Variants in NF1 observed in about 807,000 individuals in gnomAD.
NF1 encodes neurofibromin.
In NF1, 122 loss-of-function variants were observed where a neutral mutation model predicts 325.7. The ratio of observed to expected loss-of-function variants is 0.37; its 90% CI spans 0.32 to 0.44. NF1 has a LOEUF of 0.44. Among genes scored for constraint, NF1 ranks in the 20% least tolerant of loss-of-function variants. NF1 has a pLI of 1.00. For missense variants in NF1, 2,140 were observed against 3,415.4 expected, an observed-to-expected ratio of 0.63 and a Z score of 9.31; for synonymous variants, 1,091 against 1,186.0, an observed-to-expected ratio of 0.92 and a Z score of 1.65.
rs1375725102 is a variant in NF1, at chr17:31,095,379, C to G, written c.60+10C>G. ...CCGCTTCGACGAGCAGGTAACCGGC[C>G]CGTGGCGGGCGGGAGGTGGGAGCGG... On this transcript the variant is annotated intron_variant, in intron 1 of 57. Coordinates refer to ENST00000358273, the MANE Select transcript of NF1 (RefSeq NM_001042492.3). The G allele has an allele frequency of 6.5e-7, 1 of 1,538,856 alleles. No homozygotes were observed. Among genetic ancestry groups the G allele is most frequent in the African/African-American group, 1.4e-5 (1 of 73,088 alleles).
intron 5 of NF1, among the ~76,000 whole-genome samples, chr17:31,173,336 G>A (rs1053251381): frequency 6.6e-6 from 1 of 152,106 alleles, no homozygotes; most frequent in African/African-American, 2.4e-5. Flanking sequence ...CATGAACCCG[G>A]GAGGCAGAGC....
At chr17:31,326,985 G>A (rs2069360340) in intron 37 of NF1, among the ~76,000 whole-genome samples, 1 of 41,296 alleles carries the variant, frequency 2.4e-5, no homozygotes, top group Admixed American at 2.1e-4. Context: ...GGAGTGCAGT[G>A]GCGTGATCTC....
chr17:31,306,065 C>G (rs1054537036), intron 36 of NF1, among the ~76,000 whole-genome samples: 21 of 152,158 alleles, frequency 1.4e-4, no homozygotes, highest in Non-Finnish European at 7.4e-5. Flanking sequence ...CAGTGATCAT[C>G]TGTTACCTAA....
intron 30 of NF1, chr17:31,250,402 T>A: frequency 4.6e-6 from 1 of 216,398 alleles, no homozygotes; most frequent in East Asian, 7.1e-5. Context: ...ATATTAAAAA[T>A]AGTCTGGGTC....
At chr17:31,307,427 A>T (rs891431049) in intron 36 of NF1, among the ~76,000 whole-genome samples, 1 of 152,354 alleles carries the variant, frequency 6.6e-6, no homozygotes. Flanking sequence ...ACTGAATTTT[A>T]AAAGTCTATA....
intron 56 of NF1, 51 bp downstream of exon 56, chr17:31,359,066 C>T (rs2151586213): frequency 1.4e-6 from 2 of 1,435,008 alleles, no homozygotes; most frequent in Non-Finnish European, 9.8e-7. Context: ...GGTTTCTGTT[C>T]AAATTAGTAT....
rs933396028 is a variant in NF1 at position 31,095,232 on chromosome 17, C to A, written c.-78C>A. 1.5e-5 allele frequency: 21 copies of A among 1,387,314 alleles called. No individual in the cohort carries two copies. The African/African-American group carries it at 2.8e-4, about 19-fold the overall frequency. The allele number at this position is 1,387,314 out of a possible 1,614,324, so 85.9% of individuals were successfully genotyped here. A position where few individuals can be genotyped will look rare whatever the true frequency, so the allele number is the denominator to read the frequency against. On this transcript the variant is annotated 5_prime_UTR_variant, in exon 1 of 58. Coordinates refer to ENST00000358273, the MANE Select transcript of NF1 (RefSeq NM_001042492.3). ...CTCCTTGCCTCTTCCCTCACCTCAG[C>A]CTCCGCTCCCCGCCCTCTTCCCGGC...
In NF1 at chr17:31,159,985, T is replaced by C. The variant is rs17885616; in HGVS notation, c.288+892T>C. Among the ~76,000 whole-genome samples the C allele has an allele frequency of 6.7e-3, 1,025 of 152,222 alleles. 16 individuals are homozygous for C. The highest frequency in any genetic ancestry group is 0.023 in the African/African-American group (960 of 41,528). On this transcript the variant is annotated intron_variant, in intron 3 of 57. Transcript: ENST00000358273. Reference sequence around the variant, plus strand: ...GGACTGATAGTGTGGTTGAGAAGTGTTGGTGGAAGCATTGGGGTAGGGCAT... The same window carrying C: ...GGACTGATAGTGTGGTTGAGAAGTGCTGGTGGAAGCATTGGGGTAGGGCAT...
At chr17:31,335,599 T>C (rs1006766115) in intron 40 of NF1, among the ~76,000 whole-genome samples, 10 of 151,858 alleles carry the variant, frequency 6.6e-5, no homozygotes, top group Non-Finnish European at 8.8e-5. Context: ...ACACTGCTGC[T>C]CCTCCTCCAA....
intron 51 of NF1, 109 bp downstream of exon 51, chr17:31,352,523 G>T (rs188956745): frequency 1.5e-5 from 16 of 1,071,044 alleles, no homozygotes; most frequent in Admixed American, 5.8e-5. Context: ...TTCCATGTCA[G>T]TGTAGCAAAG....
intron 35 of NF1, 34 bp downstream of exon 35, chr17:31,261,891 CT>C: frequency 6.2e-7 from 1 of 1,611,236 alleles, no homozygotes; most frequent in Non-Finnish European, 8.5e-7. Flanking sequence ...TGATTGCTTT[CT>C]TTTTGGTTGA....
intron 36 of NF1, among the ~76,000 whole-genome samples, chr17:31,287,542 C>CTGTGTGTGTGTGTGTG (rs59906241): frequency 1.9e-4 from 28 of 145,590 alleles, no homozygotes; most frequent in African/African-American, 5.4e-4. Flanking sequence ...TCATTCATAA[C>CTGTGTGTGTGTGTGTG]TGTGTGTGTG....
intron 29 of NF1, among the ~76,000 whole-genome samples, chr17:31,242,536 C>A (rs962045342): frequency 6.6e-6 from 1 of 152,054 alleles, no homozygotes; most frequent in African/African-American, 2.4e-5. Context: ...TTCAAGCTTG[C>A]TAATTCTTCT....
Position 31,336,814 on chromosome 17 carries a change from C to T in NF1, c.6327C>T (p.Phe2109=). Residue 2109 remains phenylalanine (F), a synonymous_variant, in exon 42 of 58, where the codon TTC becomes TTT. Coordinates refer to ENST00000358273, the MANE Select transcript of NF1 (RefSeq NM_001042492.3). This position sits in a 1 kb window ranked among gnomAD's most constrained non-coding sequence, Gnocchi z 5.5. ...HLPYLFHVVT[F]LVATGPLSLR... Reference sequence around the variant, plus strand: ...CCTACCTCTTCCACGTTGTTACTTTCTTAGTAGCCACAGGTCCGCTCTCCC... The same window carrying T: ...CCTACCTCTTCCACGTTGTTACTTTTTTAGTAGCCACAGGTCCGCTCTCCC... 6.2e-7 allele frequency: 1 copy of T among 1,614,016 alleles called. No individual in the cohort carries two copies.
At chr17:31,181,619 ATAT>A (rs1223574718) in intron 6 of NF1, 88 bp from the exon 7 acceptor site, 3 of 1,270,458 alleles carry the variant, frequency 2.4e-6, no homozygotes, top group East Asian at 2.3e-5. Flanking sequence ...ATACATTGTA[ATAT>A]TATTATGAAG....
chr17:31,264,045 A>G (rs753217879), intron 35 of NF1, among the ~76,000 whole-genome samples: 42 of 152,242 alleles, frequency 2.8e-4, no homozygotes, highest in Non-Finnish European at 4.3e-4. Context: ...AGCTAATGCA[A>G]TCTCTTCCCA....
intron 13 of NF1, among the ~76,000 whole-genome samples, chr17:31,217,332 G>A (rs1172726483): frequency 6.7e-6 from 1 of 149,082 alleles, no homozygotes; most frequent in Non-Finnish European, 1.5e-5. Context: ...TTTTTTCTGA[G>A]ACAGAGTCTC....
At chr17:31,171,249 T>C (rs1237436190) in intron 5 of NF1, among the ~76,000 whole-genome samples, 1 of 152,210 alleles carries the variant, frequency 6.6e-6, no homozygotes, top group African/African-American at 2.4e-5. Flanking sequence ...ATTTTAGCTG[T>C]TATGCCAAGA....
rs2070743665 is a variant in NF1, at chr17:31,377,163, TG to T, written c.*3009del. On this transcript the variant is annotated 3_prime_UTR_variant, in exon 58 of 58. Transcript: ENST00000358273. Reference sequence around the variant, plus strand: ...GATTTAGGCAAAAATTCATTCTTAGTGTCAGCCACACAATTTTTTTTAATGC... The same window carrying T: ...GATTTAGGCAAAAATTCATTCTTAGTTCAGCCACACAATTTTTTTTAATGC... 1 of 233,550 alleles carries T rather than the reference TG, an allele frequency of 4.3e-6. No individual in the cohort carries two copies. Among genetic ancestry groups the T allele is most frequent in the Non-Finnish European group, 8.5e-6 (1 of 118,020 alleles). 14.5% of individuals were successfully genotyped at this position (233,550 alleles called of 1,614,324 possible).
Sources: gnomAD v4.1 joint callset for allele counts (sites outside exome capture counted in the v4.1 genomes callset) on GRCh38, gnomAD v4.1.1 for gene constraint, Gnocchi (gnomAD v3.1) non-coding constraint, MANE v1.5 for transcripts, NCBI Gene and HGNC (gene_info 2026-07-23, HGNC 2026-07-21) for gene names.